The following RAB6B variants were observed in gnomAD, a reference collection of about 807,000 sequenced individuals.
RAB6B encodes the protein RAB6B, member RAS oncogene family.
In RAB6B, 7 loss-of-function variants were observed where a neutral mutation model predicts 31.2. The observed-to-expected ratio is 0.22, with a 90% CI of 0.13 to 0.42. RAB6B has a LOEUF of 0.42. Among genes scored for constraint, RAB6B ranks in the 10% least tolerant of loss-of-function variants. The pLI is 1.00. For missense variants in RAB6B, 149 were observed against 280.6 expected (o/e 0.53, Z 3.35); for synonymous variants, 105 against 104.9 (o/e 1.00, Z -0.01).
chr3:133,848,589 T>G (rs1363892626), intron 2 of RAB6B, among the ~76,000 whole-genome samples: 1 of 152,156 alleles, frequency 6.6e-6, no homozygotes, highest in African/African-American at 2.4e-5. Context: ...GGGAGGGCCT[T>G]TGTGCTGTGT....
intron 2 of RAB6B, among the ~76,000 whole-genome samples, chr3:133,848,334 C>A (rs540265664): frequency 3.4e-4 from 52 of 152,292 alleles, no homozygotes; most frequent in Admixed American, 1.3e-4. Context: ...CCCCCTTTTT[C>A]TCCATCCCCA....
intron 2 of RAB6B, among the ~76,000 whole-genome samples, chr3:133,853,946 G>A (rs1936037930): frequency 1.3e-5 from 2 of 152,210 alleles, no homozygotes; most frequent in African/African-American, 4.8e-5. Flanking sequence ...TCTCAGTGTG[G>A]TTATGTGAAA....
chr3:133,844,629 A>G (rs1436584946), intron 2 of RAB6B, among the ~76,000 whole-genome samples: 1 of 152,226 alleles, frequency 6.6e-6, no homozygotes, highest in Admixed American at 6.5e-5. Context: ...ATTTGCAAGC[A>G]CTGAAGAATG....
At chr3:133,844,306 T>C (rs1413532952) in intron 2 of RAB6B, among the ~76,000 whole-genome samples, 3 of 152,206 alleles carry the variant, frequency 2.0e-5, no homozygotes, top group Non-Finnish European at 4.4e-5. Flanking sequence ...ACATCCCATC[T>C]TCTCCAGCTC....
intron 2 of RAB6B, among the ~76,000 whole-genome samples, chr3:133,847,371 G>A (rs983786524): frequency 8.5e-5 from 13 of 152,184 alleles, no homozygotes; most frequent in African/African-American, 2.9e-4. Flanking sequence ...CTAAGTATTC[G>A]TTATTTCTCC....
At chr3:133,893,736 G>C (rs1936668428) in intron 1 of RAB6B, among the ~76,000 whole-genome samples, 1 of 152,074 alleles carries the variant, frequency 6.6e-6, no homozygotes, top group Non-Finnish European at 1.5e-5. Context: ...TTTTACTAAA[G>C]ACAACACAGC....
chr3:133,853,237 G>A (rs571070462), intron 2 of RAB6B, among the ~76,000 whole-genome samples: 96 of 152,276 alleles, frequency 6.3e-4, no homozygotes, highest in African/African-American at 2.2e-3. Flanking sequence ...GTGGGTATGA[G>A]TGTGTGTGAG....
chr3:133,884,937 G>A (rs1327710485), intron 1 of RAB6B, among the ~76,000 whole-genome samples: 2 of 136,628 alleles, frequency 1.5e-5, no homozygotes, highest in African/African-American at 2.7e-5. Flanking sequence ...CAGAGGATGG[G>A]GGGCTCACAC....
chr3:133,868,470 T>C (rs1936271601), intron 1 of RAB6B, among the ~76,000 whole-genome samples: 3 of 152,236 alleles, frequency 2.0e-5, no homozygotes, highest in Admixed American at 1.3e-4. Context: ...CTGCGGGAGC[T>C]GTCCTCCTGC....
At chr3:133,842,268 C>T (rs1935847252) in intron 2 of RAB6B, among the ~76,000 whole-genome samples, 1 of 152,236 alleles carries the variant, frequency 6.6e-6, no homozygotes, top group Admixed American at 6.5e-5. Flanking sequence ...CTGTCACCAG[C>T]TCCCCTGTGC....
At chr3:133,852,417 G>A (rs1936000219) in intron 2 of RAB6B, among the ~76,000 whole-genome samples, 1 of 151,962 alleles carries the variant, frequency 6.6e-6, no homozygotes, top group African/African-American at 2.4e-5. Context: ...TACCTGCCAA[G>A]CCATTACATA....
At chr3:133,833,987 G>A (rs925335979) in intron 7 of RAB6B, among the ~76,000 whole-genome samples, 1 of 152,170 alleles carries the variant, frequency 6.6e-6, no homozygotes, top group African/African-American at 2.4e-5. Context: ...CATGCTGTGT[G>A]ACACTGGGCA....
At chr3:133,848,119 T>C (rs1197675851) in intron 2 of RAB6B, among the ~76,000 whole-genome samples, 1 of 152,198 alleles carries the variant, frequency 6.6e-6, no homozygotes, top group African/African-American at 2.4e-5. Context: ...AAATATAGTA[T>C]ATTCCAAAAA....
chr3:133,836,774 T>C (rs571991113), intron 6 of RAB6B, among the ~76,000 whole-genome samples: 349 of 152,210 alleles, frequency 2.3e-3, no homozygotes, highest in Non-Finnish European at 3.8e-3. Context: ...CAAGGGAGGC[T>C]GGGAACAGAT....
chr3:133,880,087 T>C (rs542870949), intron 1 of RAB6B, among the ~76,000 whole-genome samples: 3 of 152,168 alleles, frequency 2.0e-5, no homozygotes, highest in Non-Finnish European at 2.9e-5. Flanking sequence ...TGAGTATGCA[T>C]AGTTGTAGAG....
chr3:133,850,618 G>A (rs1437916955), intron 2 of RAB6B, among the ~76,000 whole-genome samples: 1 of 151,874 alleles, frequency 6.6e-6, no homozygotes, highest in Non-Finnish European at 1.5e-5. Flanking sequence ...TATCCAAAAG[G>A]AAGCATAAAG....
At chr3:133,894,957 C>G (rs1003080343) in intron 1 of RAB6B, among the ~76,000 whole-genome samples, 2 of 152,218 alleles carry the variant, frequency 1.3e-5, no homozygotes, top group African/African-American at 4.8e-5. Flanking sequence ...CCCGGCCAGA[C>G]CCCAGCTTCG....
chr3:133,869,041 G>A (rs116553060), intron 1 of RAB6B, among the ~76,000 whole-genome samples: 2 of 152,294 alleles, frequency 1.3e-5, no homozygotes, highest in African/African-American at 4.8e-5. Context: ...CAGGGGTGCA[G>A]GTGGCCGGGC....
At chr3:133,837,834 G>A (rs1175893409) in intron 6 of RAB6B, among the ~76,000 whole-genome samples, 9 of 152,216 alleles carry the variant, frequency 5.9e-5, no homozygotes, top group Admixed American at 5.9e-4. Context: ...GTGGGGTGAG[G>A]GGCTAGGGAA....
Sources: gnomAD v4.1 joint callset for allele counts (sites outside exome capture counted in the v4.1 genomes callset) on GRCh38, gnomAD v4.1.1 for gene constraint, MANE v1.5 for transcripts, NCBI Gene and HGNC (gene_info 2026-07-23, HGNC 2026-07-21) for gene names.